Variants in MTHFD2L observed in about 807,000 individuals in gnomAD.
MTHFD2L encodes the protein bifunctional methylenetetrahydrofolate dehydrogenase/cyclohydrolase 2, mitochondrial.
Under a neutral mutation model 34.9 loss-of-function variants are expected in MTHFD2L, and 29 were observed. That is an observed-to-expected ratio of 0.83 (90% confidence interval 0.62 to 1.13). The LOEUF (loss-of-function observed/expected upper bound fraction) is 1.13. MTHFD2L is among the 50% of genes most tolerant of loss of function. The pLI is 0.00. For synonymous variants in MTHFD2L, 167 were observed against 155.7 expected, an observed-to-expected ratio of 1.07 and a Z score of -0.54; for missense variants, 481 against 446.5, an observed-to-expected ratio of 1.08 and a Z score of -0.70.
In MTHFD2L at chr4:74,302,517, A is replaced by G. The variant is rs1750438912; in HGVS notation, c.*708A>G. On this transcript the variant is annotated 3_prime_UTR_variant, in exon 8 of 8. Transcript: ENST00000325278. The stretch of plus-strand genomic sequence containing the variant: ...CACATTGTGAATGACTACTTGCCAC[A>G]GTAAAAATACATGAAGAATGTGTTA... The G allele has an allele frequency of 6.6e-6, 1 of 152,166 alleles. No homozygotes were observed. Among genetic ancestry groups the G allele is most frequent in the Non-Finnish European group, 1.5e-5 (1 of 68,004 alleles). 9.4% of individuals were successfully genotyped at this position (152,166 alleles called of 1,614,324 possible). A position where few individuals can be genotyped will look rare whatever the true frequency, so the allele number is the denominator to read the frequency against.
chr4:74,247,566 A>G (rs1742660784), intron 6 of MTHFD2L, among the ~76,000 whole-genome samples: 1 of 152,138 alleles, frequency 6.6e-6, no homozygotes, highest in Admixed American at 6.5e-5. Flanking sequence ...CCAGTTTTCA[A>G]AGGGAATGCT....
At chr4:74,191,514 G>T (rs555229245) in intron 3 of MTHFD2L, among the ~76,000 whole-genome samples, 1 of 151,846 alleles carries the variant, frequency 6.6e-6, no homozygotes, top group Non-Finnish European at 1.5e-5. Context: ...TTTAACATAA[G>T]CCACCTTTGG....
At chr4:74,173,668 AC>A (rs1317667496) in intron 1 of MTHFD2L, among the ~76,000 whole-genome samples, 1 of 152,216 alleles carries the variant, frequency 6.6e-6, no homozygotes, top group African/African-American at 2.4e-5. Flanking sequence ...CTACGTGTAT[AC>A]ATAGTGGAGT....
At chr4:74,216,893 C>T (rs576973650) in intron 5 of MTHFD2L, among the ~76,000 whole-genome samples, 5 of 151,994 alleles carry the variant, frequency 3.3e-5, no homozygotes, top group South Asian at 2.1e-4. Context: ...CCTGCATCCA[C>T]CCTTGTCCCA....
chr4:74,204,712 T>C (rs565048843), intron 5 of MTHFD2L, among the ~76,000 whole-genome samples: 1 of 152,314 alleles, frequency 6.6e-6, no homozygotes, highest in South Asian at 2.1e-4. Flanking sequence ...AAAATACCTA[T>C]CAAAATTTAT....
chr4:74,268,021 G>A lies in MTHFD2L; in HGVS notation c.806-13404G>A, dbSNP rs140923550. 2.4e-4 allele frequency: 240 copies of A among 985,084 alleles called. 1 individual carries two copies. The East Asian group carries it at 0.022, about 89-fold the overall frequency. 61.0% of individuals were successfully genotyped at this position (985,084 alleles called of 1,614,324 possible). A position where few individuals can be genotyped will look rare whatever the true frequency, so the allele number is the denominator to read the frequency against. On this transcript the variant is annotated intron_variant, in intron 6 of 7. Transcript: ENST00000325278. ...GGCATGAATATTATTCTCATGACAG[G>A]CATGATAGGCATATCTGTTCAGATA...
At chr4:74,228,873 A>G (rs1739592802) in intron 6 of MTHFD2L, among the ~76,000 whole-genome samples, 1 of 152,218 alleles carries the variant, frequency 6.6e-6, no homozygotes, top group African/African-American at 2.4e-5. Context: ...CATCCCGCTG[A>G]GGGTATTTTC....
chr4:74,159,058 C>T (rs1489655510), intron 1 of MTHFD2L, among the ~76,000 whole-genome samples: 1 of 152,190 alleles, frequency 6.6e-6, no homozygotes, highest in Non-Finnish European at 1.5e-5. Flanking sequence ...AAAATTGTGT[C>T]TCACTCGAGT....
intron 1 of MTHFD2L, among the ~76,000 whole-genome samples, chr4:74,141,426 A>C (rs955975453): frequency 2.0e-5 from 3 of 152,182 alleles, no homozygotes; most frequent in Non-Finnish European, 4.4e-5. Flanking sequence ...GTGTCACTAG[A>C]TTCTATTGCT....
intron 6 of MTHFD2L, among the ~76,000 whole-genome samples, chr4:74,245,194 C>CAAA (rs57639523): frequency 0.013 from 849 of 66,398 alleles, 46 homozygotes; most frequent in African/African-American, 0.05. Flanking sequence ...GACTCAGTCT[C>CAAA]AAAAAAAAAA....
chr4:74,193,737 C>A (rs962851807), intron 3 of MTHFD2L, among the ~76,000 whole-genome samples: 3 of 152,122 alleles, frequency 2.0e-5, no homozygotes, highest in Non-Finnish European at 4.4e-5. Context: ...CTACTTGTAT[C>A]AGGAATTCAA....
intron 6 of MTHFD2L, among the ~76,000 whole-genome samples, chr4:74,268,820 A>G (rs1449388828): frequency 6.6e-6 from 1 of 152,216 alleles, no homozygotes; most frequent in Non-Finnish European, 1.5e-5. Flanking sequence ...CACTAGCTGA[A>G]GAGCTAATGG....
intron 1 of MTHFD2L, among the ~76,000 whole-genome samples, chr4:74,137,647 T>C (rs1387231322): frequency 6.6e-6 from 1 of 152,136 alleles, no homozygotes; most frequent in Non-Finnish European, 1.5e-5. Flanking sequence ...CAAGAAGATA[T>C]CTGCATTCCC....
At chr4:74,227,197 TCTA>T (rs2110127879) in intron 6 of MTHFD2L, among the ~76,000 whole-genome samples, 1 of 152,260 alleles carries the variant, frequency 6.6e-6, no homozygotes, top group Non-Finnish European at 1.5e-5. Context: ...CTTTTCCACT[TCTA>T]CTGTCTTTCT....
intron 2 of MTHFD2L, among the ~76,000 whole-genome samples, chr4:74,117,490 T>G (rs2109765610): frequency 6.6e-6 from 1 of 151,546 alleles, no homozygotes; most frequent in South Asian, 2.1e-4. Flanking sequence ...TACAGGGAGG[T>G]GGAGGGTGAA....
chr4:74,189,944 A>G (rs986758796), intron 3 of MTHFD2L, among the ~76,000 whole-genome samples: 1 of 152,094 alleles, frequency 6.6e-6, no homozygotes, highest in Non-Finnish European at 1.5e-5. Flanking sequence ...TCTGACCCTC[A>G]TCATTCATTT....
intron 5 of MTHFD2L, among the ~76,000 whole-genome samples, chr4:74,214,159 C>T (rs1736805961): frequency 6.6e-6 from 1 of 151,718 alleles, no homozygotes; most frequent in Non-Finnish European, 1.5e-5. Flanking sequence ...AGAACATGCT[C>T]CTTTATCTCA....
chr4:74,190,387 A>G (rs1300936840), intron 3 of MTHFD2L: 1 of 770,394 alleles, frequency 1.3e-6, no homozygotes, highest in Non-Finnish European at 1.6e-6. Flanking sequence ...CAACTTCATT[A>G]ATTTTTATTT....
intron 6 of MTHFD2L, among the ~76,000 whole-genome samples, chr4:74,246,286 G>A (rs549005014): frequency 1.3e-5 from 2 of 151,882 alleles, no homozygotes; most frequent in African/African-American, 2.4e-5. Flanking sequence ...CTTTTGAGAA[G>A]TGTCTGTTCA....
Sources: allele counts gnomAD v4.1 joint callset (sites outside exome capture counted in the v4.1 genomes callset), GRCh38; gene constraint gnomAD v4.1.1; transcripts MANE v1.5; gene names NCBI Gene and HGNC (gene_info 2026-07-23, HGNC 2026-07-21).